The following SH2D4B variants were observed in gnomAD, a reference collection of about 807,000 sequenced individuals.
The protein encoded by SH2D4B is SH2 domain containing 4B.
SH2D4B carries 45 observed loss-of-function variants against 61.5 expected under a neutral mutation model. The observed-to-expected ratio is 0.73, with a 90% CI of 0.58 to 0.94. The LOEUF (loss-of-function observed/expected upper bound fraction) is 0.94. SH2D4B is among the 40% of genes least tolerant of loss of function. SH2D4B has a pLI of 0.00. For synonymous variants in SH2D4B, 224 were observed against 220.4 expected (o/e 1.02, Z -0.14); for missense variants, 572 against 574.2 (o/e 1.00, Z 0.04).
intron 6 of SH2D4B, among the ~76,000 whole-genome samples, chr10:80,615,818 A>G (rs1842653096): frequency 6.6e-6 from 1 of 152,222 alleles, no homozygotes; most frequent in South Asian, 2.1e-4. Flanking sequence ...GTGTTTAGCA[A>G]GGAATTGCTG....
At chr10:80,596,955 C>G (rs1842391993) in intron 4 of SH2D4B, among the ~76,000 whole-genome samples, 1 of 142,056 alleles carries the variant, frequency 7.0e-6, no homozygotes, top group African/African-American at 2.9e-5. Context: ...CAACCTCTGA[C>G]AGAAAATATT....
chr10:80,596,839 C>T (rs1259473062), intron 4 of SH2D4B, among the ~76,000 whole-genome samples: 1 of 152,196 alleles, frequency 6.6e-6, no homozygotes, highest in Non-Finnish European at 1.5e-5. Context: ...ATGCTTCCTC[C>T]TGCCGCTTGG....
At chr10:80,636,272 C>T (rs1840166712) in intron 7 of SH2D4B, among the ~76,000 whole-genome samples, 1 of 152,098 alleles carries the variant, frequency 6.6e-6, no homozygotes, top group South Asian at 2.1e-4. Flanking sequence ...GTGCATGTGT[C>T]TTTATAGTAG....
intron 6 of SH2D4B, among the ~76,000 whole-genome samples, chr10:80,617,627 A>G (rs571813931): frequency 2.2e-4 from 33 of 151,852 alleles, no homozygotes; most frequent in African/African-American, 7.3e-4. Context: ...GAGAAACAAC[A>G]ACAAAAAATT....
At chr10:80,568,755 C>CT (rs1463382465) in intron 1 of SH2D4B, among the ~76,000 whole-genome samples, 3 of 152,200 alleles carry the variant, frequency 2.0e-5, no homozygotes, top group Admixed American at 6.5e-5. Flanking sequence ...TATTCCCTTT[C>CT]TTTCAGCTTG....
At chr10:80,633,207 A>C (rs1411154049) in intron 6 of SH2D4B, among the ~76,000 whole-genome samples, 1 of 151,558 alleles carries the variant, frequency 6.6e-6, no homozygotes, top group African/African-American at 2.4e-5. Context: ...CAGCCCAGCC[A>C]CTCTGTCCCC....
Position 80,566,706 on chromosome 10 carries a change from G to C in SH2D4B, c.185-3448G>C, listed in dbSNP as rs796096729. 2.0e-5 allele frequency among the ~76,000 whole-genome samples: 3 copies of C among 152,154 alleles called. No homozygotes were observed. In the East Asian group the frequency reaches 5.8e-4, roughly 29 times the overall value. ...CTTGGGGTTCTGTGGTGAGGCAAGC[G>C]TGGAGGGTGGGTAGTTAATTGGCAG... On this transcript the variant is annotated intron_variant, in intron 1 of 7. Coordinates refer to ENST00000646907, the MANE Select transcript of SH2D4B (RefSeq NM_001388272.1).
At chr10:80,573,047 C>T (rs866991050) in intron 3 of SH2D4B, among the ~76,000 whole-genome samples, 13 of 93,108 alleles carry the variant, frequency 1.4e-4, no homozygotes, top group Non-Finnish European at 2.4e-4. Flanking sequence ...CTCCTTGGTG[C>T]GATCTCGGCT....
At position 80,588,655 on chromosome 10, in the gene SH2D4B, G is replaced by A. The variant is rs1316134624; in HGVS notation, c.521G>A (p.Arg174Gln). Residue 174 changes from arginine (R) to glutamine (Q), a missense_variant, in exon 4 of 8, where the codon CGA (arginine) becomes CAA (glutamine). Transcript: ENST00000646907. ...AGGAAAGAGGAAGAGGAGAGGAAGC[G>A]AGGAGAAGAGCAGATTCGCCTCCAG... ...FKRKEEEERK[R>Q]GEEQIRLQEE... is the part of the protein sequence containing the mutation. 2.6e-5 allele frequency: 42 copies of A among 1,613,884 alleles called. No homozygotes were observed. Among genetic ancestry groups the A allele is most frequent in the East Asian group, 4.5e-5 (2 of 44,888 alleles).
chr10:80,587,627 C>T (rs1589346900), intron 3 of SH2D4B, among the ~76,000 whole-genome samples: 1 of 152,060 alleles, frequency 6.6e-6, no homozygotes, highest in South Asian at 2.1e-4. Context: ...GGTGCATGTG[C>T]AGGTTTGTTA....
intron 1 of SH2D4B, among the ~76,000 whole-genome samples, chr10:80,543,646 G>A (rs192127052): frequency 0.026 from 3,927 of 152,316 alleles, 74 homozygotes; most frequent in Non-Finnish European, 0.042. Context: ...GCCCCAGTGC[G>A]GGATCCACTG....
intron 6 of SH2D4B, among the ~76,000 whole-genome samples, chr10:80,619,592 A>G (rs1044435023): frequency 6.6e-6 from 1 of 152,178 alleles, no homozygotes; most frequent in Non-Finnish European, 1.5e-5. Context: ...TGACCCTTGG[A>G]CTTTGTGGCT....
chr10:80,645,460 G>A lies in SH2D4B; in HGVS notation c.*1375G>A, dbSNP rs1253755863. 1 of 152,230 alleles carries A rather than the reference G, an allele frequency of 6.6e-6. No individual in the cohort carries two copies. The highest frequency in any genetic ancestry group is 1.5e-5 in the Non-Finnish European group (1 of 68,050). The allele number at this position is 152,230 out of a possible 1,614,324, so 9.4% of individuals were successfully genotyped here. A position where few individuals can be genotyped will look rare whatever the true frequency, so the allele number is the denominator to read the frequency against. On this transcript the variant is annotated 3_prime_UTR_variant, in exon 8 of 8. Transcript: ENST00000646907. ...AAGACAGAAGAGATGGGAAGTGAAT[G>A]CCCGATGTGGTGAATCTGGGATGAA...
chr10:80,593,290 T>C (rs1842352567), intron 4 of SH2D4B, among the ~76,000 whole-genome samples: 1 of 152,244 alleles, frequency 6.6e-6, no homozygotes, highest in Non-Finnish European at 1.5e-5. Flanking sequence ...ATTTGGAGAA[T>C]ATTGCTATCT....
chr10:80,577,765 T>C (rs1842143354), intron 3 of SH2D4B, among the ~76,000 whole-genome samples: 2 of 151,666 alleles, frequency 1.3e-5, no homozygotes. Flanking sequence ...GGTTTCACCG[T>C]GTTAGCCAGG....
intron 3 of SH2D4B, among the ~76,000 whole-genome samples, chr10:80,571,841 C>T (rs1842050617): frequency 6.7e-6 from 1 of 148,938 alleles, no homozygotes; most frequent in South Asian, 2.1e-4. Flanking sequence ...GGCGCAGTCT[C>T]GGCTCACTGC....
chr10:80,547,619 T>A (rs538741865), intron 1 of SH2D4B, among the ~76,000 whole-genome samples: 1 of 152,278 alleles, frequency 6.6e-6, no homozygotes, highest in Admixed American at 6.5e-5. Flanking sequence ...TGGTGTCTCT[T>A]CGTGATGTTT....
At chr10:80,557,800 T>C (rs1841857533) in intron 1 of SH2D4B, among the ~76,000 whole-genome samples, 1 of 152,130 alleles carries the variant, frequency 6.6e-6, no homozygotes, top group Non-Finnish European at 1.5e-5. Flanking sequence ...GTTTGTTTTA[T>C]TGTGGTTTCT....
At position 80,538,257 on chromosome 10, in the gene SH2D4B, A is replaced by G; in HGVS notation, c.-75A>G. On this transcript the variant is annotated 5_prime_UTR_variant, in exon 1 of 8. Coordinates refer to ENST00000646907, the MANE Select transcript of SH2D4B (RefSeq NM_001388272.1). This position sits in a 1 kb window ranked among gnomAD's most constrained non-coding sequence, Gnocchi z 4.8. The stretch of plus-strand genomic sequence containing the variant: ...GATTGAGCAGTCCGTAGTGCAGAGC[A>G]GCCCCTCGGGCGTTCTGCCTGGCCC... The G allele has an allele frequency of 8.3e-7, 1 of 1,208,738 alleles. No homozygotes were observed. Among genetic ancestry groups the G allele is most frequent in the Non-Finnish European group, 1.1e-6 (1 of 940,268 alleles). The allele number at this position is 1,208,738 out of a possible 1,614,324, so 74.9% of individuals were successfully genotyped here.
Sources: allele counts gnomAD v4.1 joint callset (sites outside exome capture counted in the v4.1 genomes callset), GRCh38; gene constraint gnomAD v4.1.1; non-coding constraint Gnocchi (gnomAD v3.1); transcripts MANE v1.5; gene names NCBI Gene and HGNC (gene_info 2026-07-23, HGNC 2026-07-21).